Variants in TAFA2 observed in about 807,000 individuals in gnomAD.
TAFA2 encodes the protein chemokine-like protein TAFA-2.
Under a neutral mutation model 18.8 loss-of-function variants are expected in TAFA2, and 7 were observed. The observed-to-expected ratio is 0.37, with a 90% confidence interval of 0.21 to 0.70. The LOEUF is 0.70. Among genes scored for constraint, TAFA2 ranks in the 30% least tolerant of loss-of-function variants. TAFA2 has a pLI of 0.53. For synonymous variants in TAFA2, 60 were observed against 54.2 expected (o/e 1.11, Z -0.47); for missense variants, 122 against 158.1 (o/e 0.77, Z 1.23).
chr12:61,788,604 C>A (rs578068017), intron 2 of TAFA2, among the ~76,000 whole-genome samples: 1 of 151,504 alleles, frequency 6.6e-6, no homozygotes, highest in African/African-American at 2.4e-5. Flanking sequence ...AAAACATCAA[C>A]GGAATAAAGA....
chr12:61,834,850 G>A (rs150829956), intron 2 of TAFA2, among the ~76,000 whole-genome samples: 6 of 151,858 alleles, frequency 4.0e-5, no homozygotes, highest in African/African-American at 1.5e-4. Flanking sequence ...TGATAATATT[G>A]CATAACTTAT....
chr12:61,967,522 C>T (rs964199119), intron 1 of TAFA2, among the ~76,000 whole-genome samples: 1 of 151,874 alleles, frequency 6.6e-6, no homozygotes, highest in Non-Finnish European at 1.5e-5. Context: ...TTGAATAAAA[C>T]ACGTCCACAC....
intron 1 of TAFA2, among the ~76,000 whole-genome samples, chr12:62,011,542 G>C (rs967766634): frequency 1.3e-5 from 2 of 152,080 alleles, no homozygotes; most frequent in Non-Finnish European, 2.9e-5. Flanking sequence ...ACAGATGCTT[G>C]AAGGCAGCAT....
At chr12:61,925,484 C>A (rs1182026051) in intron 1 of TAFA2, among the ~76,000 whole-genome samples, 2 of 152,176 alleles carry the variant, frequency 1.3e-5, no homozygotes, top group Non-Finnish European at 2.9e-5. Flanking sequence ...TCCTGAATGA[C>A]TACTGGGTAA....
chr12:61,857,376 A>AT (rs986318030), intron 2 of TAFA2, among the ~76,000 whole-genome samples: 40 of 152,220 alleles, frequency 2.6e-4, no homozygotes, highest in African/African-American at 9.1e-4. Flanking sequence ...ATTCAATTTA[A>AT]TTTTTTTTAA....
At chr12:61,847,029 C>T (rs1873433710) in intron 2 of TAFA2, among the ~76,000 whole-genome samples, 1 of 152,170 alleles carries the variant, frequency 6.6e-6, no homozygotes, top group African/African-American at 2.4e-5. Flanking sequence ...CTACACTTTC[C>T]TTCCCACACA....
intron 1 of TAFA2, among the ~76,000 whole-genome samples, chr12:61,902,084 G>T: frequency 8.7e-6 from 1 of 114,746 alleles, no homozygotes; most frequent in East Asian, 2.3e-4. Context: ...TCATGGTGCA[G>T]GAATGTTAAA....
chr12:61,729,454 A>C (rs2120643179), intron 4 of TAFA2, among the ~76,000 whole-genome samples: 1 of 151,908 alleles, frequency 6.6e-6, no homozygotes, highest in Non-Finnish European at 1.5e-5. Flanking sequence ...AGATTGAGTT[A>C]ATTTGAAAGC....
intron 1 of TAFA2, among the ~76,000 whole-genome samples, chr12:62,017,830 A>G (rs1036573489): frequency 1.3e-5 from 2 of 152,212 alleles, no homozygotes; most frequent in Non-Finnish European, 2.9e-5. Flanking sequence ...CAAGCAGCCA[A>G]TATTCAGGCA....
chr12:61,829,543 AT>A (rs1872640233), intron 2 of TAFA2, among the ~76,000 whole-genome samples: 1 of 151,732 alleles, frequency 6.6e-6, no homozygotes, highest in Non-Finnish European at 1.5e-5. Context: ...AATAATTTAT[AT>A]TTAATAGTGA....
intron 1 of TAFA2, among the ~76,000 whole-genome samples, chr12:61,939,752 ACTTTT>A (rs1877920857): frequency 6.6e-6 from 1 of 152,194 alleles, no homozygotes; most frequent in Non-Finnish European, 1.5e-5. Flanking sequence ...TCTTCACGTG[ACTTTT>A]CTTTTCACCC....
chr12:62,128,839 T>TA (rs1171583499), intron 1 of TAFA2, among the ~76,000 whole-genome samples: 4 of 152,222 alleles, frequency 2.6e-5, no homozygotes, highest in Non-Finnish European at 5.9e-5. Context: ...CAGGGTCACA[T>TA]AACAGGCAGT....
At position 61,709,119 on chromosome 12, in the gene TAFA2, C is replaced by T. The variant is rs1227123670; in HGVS notation, c.*1287G>A. The T allele has an allele frequency of 6.6e-6, 1 of 152,108 alleles. No homozygotes were observed. Among genetic ancestry groups the T allele is most frequent in the Non-Finnish European group, 1.5e-5 (1 of 67,932 alleles). 9.4% of individuals were successfully genotyped at this position (152,108 alleles called of 1,614,324 possible). On this transcript the variant is annotated 3_prime_UTR_variant, in exon 5 of 5. Transcript: ENST00000416284. Reference sequence around the variant, plus strand: ...TTCTTTCTTCTCTCCCTTCATATCACAAATGAAACAAAATAAATGTAGTAC... The same window carrying T: ...TTCTTTCTTCTCTCCCTTCATATCATAAATGAAACAAAATAAATGTAGTAC...
At chr12:62,233,229 T>G (rs534735661) in intron 1 of TAFA2, among the ~76,000 whole-genome samples, 1 of 151,474 alleles carries the variant, frequency 6.6e-6, no homozygotes, top group Admixed American at 6.6e-5. Flanking sequence ...TATAGGTGTG[T>G]GCCAACATGC....
chr12:61,789,747 A>G (rs1870894757), intron 2 of TAFA2, among the ~76,000 whole-genome samples: 1 of 151,892 alleles, frequency 6.6e-6, no homozygotes, highest in Admixed American at 6.6e-5. Flanking sequence ...CATTTAAAAA[A>G]GCCAAAGACT....
chr12:61,924,722 C>G (rs1877204084), intron 1 of TAFA2, among the ~76,000 whole-genome samples: 1 of 152,132 alleles, frequency 6.6e-6, no homozygotes, highest in Non-Finnish European at 1.5e-5. Context: ...ATGACAGGAT[C>G]AAATTCACAC....
At chr12:62,225,578 G>A (rs995373227) in intron 1 of TAFA2, among the ~76,000 whole-genome samples, 11 of 151,942 alleles carry the variant, frequency 7.2e-5, no homozygotes, top group Admixed American at 1.3e-4. Flanking sequence ...GAAAGCTATT[G>A]CAACATACAA....
At chr12:61,788,283 A>C (rs1273318651) in intron 2 of TAFA2, among the ~76,000 whole-genome samples, 2 of 151,728 alleles carry the variant, frequency 1.3e-5, no homozygotes, top group African/African-American at 2.4e-5. Context: ...CTATTCAGCA[A>C]TGGATGGGTT....
chr12:61,926,464 C>T (rs1241474996), intron 1 of TAFA2, among the ~76,000 whole-genome samples: 1 of 152,108 alleles, frequency 6.6e-6, no homozygotes, highest in East Asian at 1.9e-4. Flanking sequence ...ACGGGCAAAC[C>T]AAATCCAGTA....
Sources: gnomAD v4.1 joint callset for allele counts (sites outside exome capture counted in the v4.1 genomes callset) on GRCh38, gnomAD v4.1.1 for gene constraint, MANE v1.5 for transcripts, NCBI Gene and HGNC (gene_info 2026-07-23, HGNC 2026-07-21) for gene names.